The following SENP7 variants were observed in gnomAD, a reference collection of about 807,000 sequenced individuals.
The protein encoded by SENP7 is sentrin-specific protease 7.
A neutral mutation model predicts 141.2 loss-of-function variants in SENP7; 64 were observed. The observed-to-expected ratio is 0.45, with a 90% CI of 0.37 to 0.56. The LOEUF (loss-of-function observed/expected upper bound fraction) is 0.56. Ranked by LOEUF, SENP7 falls within the 20% of genes least tolerant of loss-of-function variation. The probability of loss-of-function intolerance (pLI) is 0.00; values close to 1 mark genes in which losing one functional copy is unlikely to be tolerated. For missense variants in SENP7, 1,025 were observed against 1,212.2 expected (o/e 0.85, Z 2.29); for synonymous variants, 382 against 426.4 (o/e 0.90, Z 1.28).
chr3:101,373,540 T>C (rs1268983130), intron 6 of SENP7, among the ~76,000 whole-genome samples: 2 of 152,142 alleles, frequency 1.3e-5, no homozygotes, highest in African/African-American at 2.4e-5. Flanking sequence ...AGTCCTTGTT[T>C]TTCTAGCACA....
chr3:101,497,803 A>G (rs1559913368), intron 2 of SENP7, among the ~76,000 whole-genome samples: 1 of 152,114 alleles, frequency 6.6e-6, no homozygotes. Context: ...TGCCTTACAT[A>G]AGAATTTTTA....
At chr3:101,331,299 G>A (rs1274158957) in intron 19 of SENP7, among the ~76,000 whole-genome samples, 1 of 151,794 alleles carries the variant, frequency 6.6e-6, no homozygotes, top group Non-Finnish European at 1.5e-5. Context: ...GGGCAACATA[G>A]TGAGATCCTA....
At chr3:101,430,794 C>A (rs2062137251) in intron 4 of SENP7, among the ~76,000 whole-genome samples, 1 of 152,176 alleles carries the variant, frequency 6.6e-6, no homozygotes, top group Non-Finnish European at 1.5e-5. Flanking sequence ...GATTTTAGAT[C>A]TTTCCTGCTT....
At chr3:101,343,574 G>T in intron 14 of SENP7, 112 bp downstream of exon 14, 2 of 1,019,768 alleles carry the variant, frequency 2.0e-6, no homozygotes, top group Non-Finnish European at 2.8e-6. Flanking sequence ...CTTTTGGGTT[G>T]GTTCCTATGC....
intron 3 of SENP7, among the ~76,000 whole-genome samples, chr3:101,487,845 C>T (rs1410536787): frequency 1.3e-5 from 2 of 152,122 alleles, no homozygotes; most frequent in Non-Finnish European, 2.9e-5. Context: ...CTGTACCATG[C>T]TGTTTTGGTT....
chr3:101,336,824 T>A (rs2059198335), intron 17 of SENP7, among the ~76,000 whole-genome samples: 1 of 152,220 alleles, frequency 6.6e-6, no homozygotes, highest in Non-Finnish European at 1.5e-5. Flanking sequence ...CTCCACAGTT[T>A]TAGTATTAAC....
chr3:101,504,189 G>A (rs1443773263), intron 1 of SENP7, among the ~76,000 whole-genome samples: 1 of 151,854 alleles, frequency 6.6e-6, no homozygotes, highest in Non-Finnish European at 1.5e-5. Flanking sequence ...GGTGGCTGAT[G>A]CCTGTAATCC....
At chr3:101,358,460 C>A in intron 11 of SENP7, 1 of 358,448 alleles carries the variant, frequency 2.8e-6, no homozygotes, top group Non-Finnish European at 5.6e-6. Context: ...TTTAACCAGC[C>A]CTCAACTCTT....
chr3:101,490,246 TTAAA>T (rs1424097172), intron 3 of SENP7, among the ~76,000 whole-genome samples: 1 of 148,040 alleles, frequency 6.8e-6, no homozygotes, highest in Admixed American at 6.7e-5. Flanking sequence ...CAATAGAGAA[TTAAA>T]TAAACCATAA....
chr3:101,343,036 A>G (rs1248315524), intron 14 of SENP7, among the ~76,000 whole-genome samples: 1 of 152,144 alleles, frequency 6.6e-6, no homozygotes, highest in East Asian at 1.9e-4. Context: ...TCTCATAATT[A>G]TATTGAGATT....
intron 3 of SENP7, among the ~76,000 whole-genome samples, chr3:101,473,651 T>C (rs1442145111): frequency 1.3e-5 from 2 of 152,232 alleles, no homozygotes; most frequent in Non-Finnish European, 2.9e-5. Context: ...GTCAGATGCA[T>C]AGTTTGCAAA....
intron 4 of SENP7, among the ~76,000 whole-genome samples, chr3:101,454,684 A>G (rs1232784332): frequency 6.6e-6 from 1 of 152,240 alleles, no homozygotes; most frequent in African/African-American, 2.4e-5. Context: ...AAATACTGAT[A>G]TATGCTACAA....
At chr3:101,356,493 A>G (rs2059746120) in intron 11 of SENP7, among the ~76,000 whole-genome samples, 1 of 152,200 alleles carries the variant, frequency 6.6e-6, no homozygotes, top group Admixed American at 6.5e-5. Flanking sequence ...ACTTCAAAAA[A>G]TCTACTCCCT....
chr3:101,341,757 T>C lies in SENP7; in HGVS notation c.2129A>G (p.Lys710Arg), dbSNP rs749842158. The C allele has an allele frequency of 1.2e-6, 2 of 1,607,672 alleles. No homozygotes were observed. The highest frequency in any genetic ancestry group is 8.5e-7 in the Non-Finnish European group (1 of 1,175,044). The change falls in exon 15 of 24, where the codon AAG becomes AGG. Residue 710 changes from lysine (K) to arginine (R), a missense_variant. Transcript: ENST00000394095. ...CTTCTGCAGGAAGGTGTAAGTAGGC[T>C]TGGCCGCATCTGTGTTTGAGGGCTG... Reference protein sequence around the residue: ...VSQPSNTDAAKPTYTFLQKQS... With the variant: ...VSQPSNTDAARPTYTFLQKQS...
intron 4 of SENP7, among the ~76,000 whole-genome samples, chr3:101,432,970 C>A (rs1050766454): frequency 3.3e-5 from 5 of 152,108 alleles, no homozygotes; most frequent in African/African-American, 1.2e-4. Context: ...TATCATAACA[C>A]TGTAACTGTG....
intron 16 of SENP7, among the ~76,000 whole-genome samples, chr3:101,337,972 G>A (rs540803011): frequency 1.3e-5 from 2 of 152,130 alleles, no homozygotes; most frequent in South Asian, 2.1e-4. Flanking sequence ...GACCAACATG[G>A]TGAAACCCCG....
intron 3 of SENP7, among the ~76,000 whole-genome samples, chr3:101,470,084 G>A (rs2063925445): frequency 6.6e-6 from 1 of 152,148 alleles, no homozygotes; most frequent in South Asian, 2.1e-4. Flanking sequence ...GCAGTGTGTA[G>A]AGGGAAATTT....
chr3:101,394,842 G>A (rs1661010487), intron 6 of SENP7, among the ~76,000 whole-genome samples: 1 of 152,020 alleles, frequency 6.6e-6, no homozygotes, highest in Admixed American at 6.6e-5. Context: ...CGCCATTCTA[G>A]CTAAGGTAAG....
rs568073999 is a variant in SENP7 at position 101,348,013 on chromosome 3, G to T, written c.1696C>A (p.His566Asn). Residue 566 changes from histidine (H) to asparagine (N), a missense_variant, in exon 13 of 24, where the codon CAT becomes AAT. Physicochemically the swap from His to Asn is moderately conservative, Grantham distance 68. Coordinates refer to ENST00000394095, the MANE Select transcript of SENP7 (RefSeq NM_020654.5). ...NEISLLVDTT[H>N]LKRFGLWKSK... ...TTCCATAACCCAAACCGCTTTAAAT[G>T]TGTGGTATCCACTAGCAATGAAATC... is the stretch of plus-strand genomic sequence containing the variant. 2.2e-5 allele frequency: 36 copies of T among 1,607,778 alleles called. 1 individual carries two copies. In the South Asian group the frequency reaches 3.7e-4, roughly 16 times the overall value.
Sources: gnomAD v4.1 joint callset for allele counts (sites outside exome capture counted in the v4.1 genomes callset) on GRCh38, gnomAD v4.1.1 for gene constraint, MANE v1.5 for transcripts, NCBI Gene and HGNC (gene_info 2026-07-23, HGNC 2026-07-21) for gene names.